Variants in DCHS2 observed in about 807,000 individuals in gnomAD.
DCHS2 encodes the protein dachsous cadherin-related 2.
DCHS2 carries 142 observed loss-of-function variants against 182.4 expected under a neutral mutation model. That is an observed-to-expected ratio of 0.78 (90% CI 0.68 to 0.89). The LOEUF is 0.89. Ranked by LOEUF, DCHS2 falls within the 40% of genes least tolerant of loss-of-function variation. The probability of loss-of-function intolerance (pLI) is 0.00; values close to 1 mark genes in which losing one functional copy is unlikely to be tolerated. For missense variants in DCHS2, 4,319 were observed against 4,198.6 expected, an observed-to-expected ratio of 1.03 and a Z score of -0.79; for synonymous variants, 1,740 against 1,663.3, an observed-to-expected ratio of 1.05 and a Z score of -1.12.
intron 1 of DCHS2, among the ~76,000 whole-genome samples, chr4:154,426,638 AT>A (rs1733338695): frequency 6.6e-6 from 1 of 152,162 alleles, no homozygotes; most frequent in Admixed American, 6.6e-5. Flanking sequence ...CTTATTGTAC[AT>A]TTTAAAATAA....
rs1472180477 is a variant in DCHS2, at chr4:154,259,753, T to C, written c.6581A>G (p.Gln2194Arg). The change falls in exon 15 of 20, where the codon CAA becomes CGA. Residue 2194 changes from glutamine (Q) to arginine (R), a missense_variant. Physicochemically the swap from Gln to Arg is conservative, Grantham distance 43. Coordinates refer to ENST00000357232, the MANE Select transcript of DCHS2 (RefSeq NM_001358235.2). ...GVLSLCSKSG[Q>R]LTVKEPKFLD... ...AAACTTGGGTTCTTTCACAGTGAGT[T>C]GTCCTATTTTTATTTCCAAGGAGAA... 2.5e-6 allele frequency: 4 copies of C among 1,601,398 alleles called. No individual in the cohort carries two copies. The South Asian group carries it at 3.4e-5, about 14-fold the overall frequency.
At chr4:154,305,338 C>G in intron 10 of DCHS2, 107 bp from the exon 11 acceptor site, 1 of 1,313,972 alleles carries the variant, frequency 7.6e-7, no homozygotes, top group Non-Finnish European at 1.0e-6. Flanking sequence ...ATGAAAATGG[C>G]AAGATTCTCA....
At chr4:154,420,707 T>C (rs1733076542) in intron 1 of DCHS2, among the ~76,000 whole-genome samples, 1 of 152,186 alleles carries the variant, frequency 6.6e-6, no homozygotes, top group African/African-American at 2.4e-5. Context: ...GGGCAGATCT[T>C]CCTTACTCGG....
chr4:154,477,496 G>T (rs1165516748), intron 1 of DCHS2, among the ~76,000 whole-genome samples: 1 of 152,186 alleles, frequency 6.6e-6, no homozygotes, highest in Non-Finnish European at 1.5e-5. Flanking sequence ...CTTGAAACAA[G>T]GATAGAGAGG....
chr4:154,434,528 A>C, intron 1 of DCHS2, among the ~76,000 whole-genome samples: 1 of 38,828 alleles, frequency 2.6e-5, no homozygotes, highest in East Asian at 2.8e-4. Flanking sequence ...TTAGAATTAT[A>C]GCTTATAGCT....
At chr4:154,439,530 T>C (rs1733914281) in intron 1 of DCHS2, among the ~76,000 whole-genome samples, 1 of 152,208 alleles carries the variant, frequency 6.6e-6, no homozygotes, top group Non-Finnish European at 1.5e-5. Flanking sequence ...ACAGTCTGTC[T>C]TTTCCTAGCT....
intron 13 of DCHS2, among the ~76,000 whole-genome samples, chr4:154,273,696 A>G (rs1353419886): frequency 1.3e-5 from 2 of 152,108 alleles, no homozygotes; most frequent in Non-Finnish European, 2.9e-5. Flanking sequence ...TAAATGAAAG[A>G]AGCTTCCTCA....
chr4:154,254,174 G>A (rs939658110), intron 16 of DCHS2, among the ~76,000 whole-genome samples: 13 of 152,134 alleles, frequency 8.5e-5, no homozygotes, highest in Admixed American at 2.6e-4. Flanking sequence ...TGGAAAAACC[G>A]AAAAACACAA....
rs1735016099 is a variant in DCHS2 at position 154,297,971 on chromosome 4, G to A, written c.6343C>T (p.Gln2115Ter). ...PIWLQLKVTDQGIPARTTTGL... is the reference protein window; with the variant it reads ...PIWLQLKVTD The stretch of plus-strand genomic sequence containing the variant: ...GTGGTTGTCCTGGCTGGAATGCCCT[G>A]GTCTGTAACTTTTAACTGCAGCCAG... The change falls in exon 13 of 20, where the codon CAG becomes TAG. Residue 2115 changes from glutamine (Q) to a stop codon, truncating the protein, a stop_gained. Coordinates refer to ENST00000357232, the MANE Select transcript of DCHS2 (RefSeq NM_001358235.2). LOFTEE classifies it high-confidence loss of function. The A allele has an allele frequency of 6.2e-7, 1 of 1,613,964 alleles. No individual in the cohort carries two copies. Among genetic ancestry groups the A allele is most frequent in the African/African-American group, 1.3e-5 (1 of 74,900 alleles).
intron 1 of DCHS2, among the ~76,000 whole-genome samples, chr4:154,417,246 A>G (rs1005696197): frequency 1.5e-5 from 2 of 136,386 alleles, no homozygotes; most frequent in African/African-American, 5.6e-5. Context: ...AGAGAGAGAG[A>G]GAGAGACCAG....
At position 154,235,971 on chromosome 4, in the gene DCHS2, T is replaced by C. The variant is rs759283350; in HGVS notation, c.8681A>G (p.Lys2894Arg). Residue 2894 changes from lysine (K) to arginine (R), a missense_variant, in exon 20 of 20, where the codon AAA (lysine) becomes AGA (arginine). By Grantham distance (26) the Lys-to-Arg change is conservative. Coordinates refer to ENST00000357232, the MANE Select transcript of DCHS2 (RefSeq NM_001358235.2). ...QYFFTLPEKNKDRQLIGRVEA... is the reference protein window; with the variant it reads ...QYFFTLPEKNRDRQLIGRVEA... ...CACTCTGCCAATCAACTGTCTGTCT[T>C]TATTCTTTTCTGGGAGGGTGAAAAA... 3.7e-6 allele frequency: 6 copies of C among 1,613,936 alleles called. No homozygotes were observed. The Admixed American group carries it at 1.0e-4, about 27-fold the overall frequency.
chr4:154,429,751 A>G (rs910726428), intron 1 of DCHS2, among the ~76,000 whole-genome samples: 3 of 152,030 alleles, frequency 2.0e-5, no homozygotes, highest in African/African-American at 7.2e-5. Context: ...AAATTTCAAA[A>G]CTTCTCTTCT....
chr4:154,456,160 G>C (rs1229244946), intron 1 of DCHS2, among the ~76,000 whole-genome samples: 1 of 152,062 alleles, frequency 6.6e-6, no homozygotes, highest in African/African-American at 2.4e-5. Context: ...ATAGTATATA[G>C]GTTTTCTGTT....
At chr4:154,370,085 A>G (rs1419948867) in intron 2 of DCHS2, among the ~76,000 whole-genome samples, 6 of 152,160 alleles carry the variant, frequency 3.9e-5, no homozygotes, top group Non-Finnish European at 7.3e-5. Flanking sequence ...TTCTATGTCA[A>G]TGAACTCCAG....
intron 1 of DCHS2, among the ~76,000 whole-genome samples, chr4:154,434,157 G>A (rs375515901): frequency 1.3e-5 from 2 of 152,128 alleles, no homozygotes; most frequent in African/African-American, 4.8e-5. Flanking sequence ...TAATGGGCTG[G>A]GCATGATGGC....
chr4:154,416,106 A>T (rs1013744401), intron 1 of DCHS2, among the ~76,000 whole-genome samples: 2 of 152,176 alleles, frequency 1.3e-5, no homozygotes, highest in Admixed American at 1.3e-4. Flanking sequence ...TTGAAGGCTG[A>T]TGCAGTAGAA....
chr4:154,235,462 G>A lies in DCHS2; in HGVS notation c.9190C>T (p.Pro3064Ser). 4 of 1,613,978 alleles carry A rather than the reference G, an allele frequency of 2.5e-6. No individual in the cohort carries two copies. The highest frequency in any genetic ancestry group is 3.4e-6 in the Non-Finnish European group (4 of 1,179,962). ...KTDDCSNEVV[P>S]VDATPEWLSL... ...AACCATTCCGGAGTGGCATCCACAG[G>A]GACCACCTCGTTACTGCAGTCGTCA... The change falls in exon 20 of 20, where the codon CCT becomes TCT. Residue 3064 changes from proline to serine, a missense_variant. Transcript: ENST00000357232.
Position 154,412,395 on chromosome 4 carries a change from T to A in DCHS2, c.2053-34951A>T, listed in dbSNP as rs565153363. Among the ~76,000 whole-genome samples the A allele has an allele frequency of 5.9e-5, 9 of 152,272 alleles. No individual in the cohort carries two copies. The East Asian group carries it at 1.7e-3, about 29-fold the overall frequency. ...TAATCCTCTTTTCAGTCTAGCTGCC[T>A]TTCTCATCCCCACCATCAAGACATT... On this transcript the variant is annotated intron_variant, in intron 1 of 19. Transcript: ENST00000357232.
intron 1 of DCHS2, among the ~76,000 whole-genome samples, chr4:154,425,451 A>G (rs1326243940): frequency 6.6e-6 from 1 of 152,242 alleles, no homozygotes; most frequent in African/African-American, 2.4e-5. Flanking sequence ...GCTGAAAAAC[A>G]TCTAGAAAAA....
Sources: allele counts gnomAD v4.1 joint callset (sites outside exome capture counted in the v4.1 genomes callset), GRCh38; gene constraint gnomAD v4.1.1; transcripts MANE v1.5; gene names NCBI Gene and HGNC (gene_info 2026-07-23, HGNC 2026-07-21).